EXOC2: variants seen among roughly 807,000 people sequenced by gnomAD.
The protein encoded by EXOC2 is SEC5-like 1.
EXOC2 carries 70 observed loss-of-function variants against 131.8 expected under a neutral mutation model. The observed-to-expected ratio is 0.53, with a 90% CI of 0.44 to 0.65. The LOEUF (loss-of-function observed/expected upper bound fraction) is 0.65. Ranked by LOEUF, EXOC2 falls within the 30% of genes least tolerant of loss-of-function variation. The probability of loss-of-function intolerance (pLI) is 0.00; values close to 1 mark genes in which losing one functional copy is unlikely to be tolerated. For missense variants in EXOC2, 923 were observed against 1,108.6 expected, an observed-to-expected ratio of 0.83 and a Z score of 2.38; for synonymous variants, 411 against 398.4, an observed-to-expected ratio of 1.03 and a Z score of -0.38.
rs73380947 is a variant in EXOC2, at chr6:499,101, C to T, written c.2436+544G>A. Among the ~76,000 whole-genome samples, 866 of 152,244 alleles carry T rather than the reference C, an allele frequency of 5.7e-3. 11 individuals carry two copies. Among genetic ancestry groups the T allele is most frequent in the African/African-American group, 0.02 (821 of 41,546 alleles). ...AGCGTGTCAAGTGAGAGCAAGTTTT[C>T]GCATGGCCCAGAAGCACCAATACTG... On this transcript the variant is annotated intron_variant, in intron 24 of 27. Transcript: ENST00000230449.
chr6:540,789 A>C (rs2127553734), intron 22 of EXOC2, among the ~76,000 whole-genome samples: 1 of 152,366 alleles, frequency 6.6e-6, no homozygotes, highest in East Asian at 1.9e-4. Context: ...GAATTGATTA[A>C]AGACATCAAC....
chr6:633,857 T>C (rs1761974456), intron 2 of EXOC2, among the ~76,000 whole-genome samples: 1 of 152,048 alleles, frequency 6.6e-6, no homozygotes, highest in Non-Finnish European at 1.5e-5. Flanking sequence ...AAACAAAATT[T>C]AGGTAATAAC....
chr6:572,929 T>G (rs1209908594), intron 12 of EXOC2, among the ~76,000 whole-genome samples: 1 of 152,214 alleles, frequency 6.6e-6, no homozygotes, highest in East Asian at 1.9e-4. Flanking sequence ...GCCTCAGTAC[T>G]GGGAGGGCTA....
At chr6:686,318 C>A (rs9504753) in intron 1 of EXOC2, among the ~76,000 whole-genome samples, 1 of 151,998 alleles carries the variant, frequency 6.6e-6, no homozygotes, top group East Asian at 1.9e-4. Context: ...CAAAAAAATA[C>A]ATGAACTACT....
intron 20 of EXOC2, 21 bp from the exon 21 acceptor site, chr6:553,941 G>A (rs1170614906): frequency 6.2e-7 from 1 of 1,601,298 alleles, no homozygotes; most frequent in Admixed American, 1.7e-5. Context: ...AAGCAAGTAG[G>A]AACAGTTACA....
chr6:517,817 A>C (rs1311274820), intron 23 of EXOC2, among the ~76,000 whole-genome samples: 3 of 152,242 alleles, frequency 2.0e-5, no homozygotes, highest in African/African-American at 7.2e-5. Flanking sequence ...TTTATAGGAA[A>C]CATAAGGGAC....
Position 549,298 on chromosome 6 carries a change from G to A in EXOC2, c.2122-7C>T. ...CTATCAAAAGGCGCTGTTCCTAAAAGCAAAACAAATGTTTAGAAAATCACC... is the reference window on the plus strand; with the variant it reads ...CTATCAAAAGGCGCTGTTCCTAAAAACAAAACAAATGTTTAGAAAATCACC... On this transcript the variant is annotated splice_region_variant and splice_polypyrimidine_tract_variant and intron_variant, in intron 21 of 27. Coordinates refer to ENST00000230449, the MANE Select transcript of EXOC2 (RefSeq NM_018303.6). 1 of 1,604,406 alleles carries A rather than the reference G, an allele frequency of 6.2e-7. No homozygotes were observed. Among genetic ancestry groups the A allele is most frequent in the Non-Finnish European group, 8.5e-7 (1 of 1,171,492 alleles).
At chr6:505,468 C>G (rs374262352) in intron 23 of EXOC2, among the ~76,000 whole-genome samples, 11 of 152,200 alleles carry the variant, frequency 7.2e-5, no homozygotes, top group African/African-American at 2.7e-4. Context: ...ACTGCTCTGA[C>G]TTGTAGCTTT....
At chr6:689,814 T>C (rs1024312785) in intron 1 of EXOC2, among the ~76,000 whole-genome samples, 16 of 152,238 alleles carry the variant, frequency 1.1e-4, no homozygotes, top group Admixed American at 9.2e-4. Context: ...ATATTGTCCC[T>C]AACACAACAC....
chr6:578,242 A>G (rs1758691765), intron 11 of EXOC2, among the ~76,000 whole-genome samples: 1 of 152,338 alleles, frequency 6.6e-6, no homozygotes, highest in East Asian at 1.9e-4. Context: ...TTTCCAAATT[A>G]AAGTAACATT....
rs571805514 is a variant in EXOC2, at chr6:655,952, C to T, written c.-43-18091G>A. 8.4e-6 allele frequency: 5 copies of T among 596,812 alleles called. No individual in the cohort carries two copies. The South Asian group carries it at 8.6e-5, about 10-fold the overall frequency. The allele number at this position is 596,812 out of a possible 1,614,324, so 37.0% of individuals were successfully genotyped here. A position where few individuals can be genotyped will look rare whatever the true frequency, so the allele number is the denominator to read the frequency against. On this transcript the variant is annotated intron_variant, in intron 1 of 27. Coordinates refer to ENST00000230449, the MANE Select transcript of EXOC2 (RefSeq NM_018303.6). The stretch of plus-strand genomic sequence containing the variant: ...GAACTACCCAACTGTTTTACCAATG[C>T]TTTAATATAAATTTTGCAAAGGAGG...
chr6:685,084 A>G (rs775629116), intron 1 of EXOC2, among the ~76,000 whole-genome samples: 4 of 152,096 alleles, frequency 2.6e-5, no homozygotes, highest in East Asian at 1.9e-4. Flanking sequence ...TTTCGCTAAC[A>G]GATCAGACTA....
chr6:587,999 G>A (rs1207796074), intron 11 of EXOC2, among the ~76,000 whole-genome samples: 4 of 152,226 alleles, frequency 2.6e-5, no homozygotes, highest in Admixed American at 2.0e-4. Flanking sequence ...GACTGGCTAT[G>A]AGCTGATAAA....
At chr6:644,157 A>T (rs1762477420) in intron 1 of EXOC2, among the ~76,000 whole-genome samples, 1 of 152,192 alleles carries the variant, frequency 6.6e-6, no homozygotes, top group Admixed American at 6.5e-5. Context: ...ATACATCATG[A>T]TCAAGTAGGG....
intron 11 of EXOC2, among the ~76,000 whole-genome samples, chr6:583,283 A>G (rs969805928): frequency 1.1e-4 from 16 of 152,134 alleles, no homozygotes; most frequent in African/African-American, 3.9e-4. Context: ...TTTTTTTTCT[A>G]TGAAGGATGG....
At chr6:647,960 A>C (rs1296333645) in intron 1 of EXOC2, among the ~76,000 whole-genome samples, 1 of 152,156 alleles carries the variant, frequency 6.6e-6, no homozygotes, top group Non-Finnish European at 1.5e-5. Flanking sequence ...AGACGCACAA[A>C]GCAGACAACT....
chr6:586,330 A>C (rs1759205652), intron 11 of EXOC2, among the ~76,000 whole-genome samples: 1 of 152,196 alleles, frequency 6.6e-6, no homozygotes, highest in Non-Finnish European at 1.5e-5. Context: ...TGATGGGGGC[A>C]CTGCGGGCCT....
At chr6:527,290 A>G (rs754860987) in intron 23 of EXOC2, among the ~76,000 whole-genome samples, 1 of 152,216 alleles carries the variant, frequency 6.6e-6, no homozygotes, top group Non-Finnish European at 1.5e-5. Context: ...GCTGGACCTG[A>G]GCTTTGAATG....
intron 21 of EXOC2, among the ~76,000 whole-genome samples, chr6:552,822 A>C (rs1202377807): frequency 6.6e-6 from 1 of 152,122 alleles, no homozygotes; most frequent in Non-Finnish European, 1.5e-5. Context: ...ATAGTAGAAC[A>C]TTTGGGTCAA....
Sources: gnomAD v4.1 joint callset for allele counts (sites outside exome capture counted in the v4.1 genomes callset) on GRCh38, gnomAD v4.1.1 for gene constraint, MANE v1.5 for transcripts, NCBI Gene and HGNC (gene_info 2026-07-23, HGNC 2026-07-21) for gene names.